Variants in MICU3 observed in about 807,000 individuals in gnomAD.
MICU3 encodes mitochondrial calcium uptake 3.
In MICU3, 62 loss-of-function variants were observed where a neutral mutation model predicts 66.5. The observed-to-expected ratio is 0.93, with a 90% CI of 0.76 to 1.15. The LOEUF (loss-of-function observed/expected upper bound fraction) is 1.15, where lower values mean the gene tolerates loss of function less well. MICU3 is among the 50% of genes most tolerant of loss of function. The probability of loss-of-function intolerance (pLI) is 0.00; values close to 1 mark genes in which losing one functional copy is unlikely to be tolerated. For missense variants in MICU3, 779 were observed against 664.4 expected, an observed-to-expected ratio of 1.17 and a Z score of -1.90; for synonymous variants, 308 against 240.7, an observed-to-expected ratio of 1.28 and a Z score of -2.59.
At chr8:17,041,259 G>A (rs1018389250) in intron 1 of MICU3, among the ~76,000 whole-genome samples, 21 of 151,384 alleles carry the variant, frequency 1.4e-4, no homozygotes, top group African/African-American at 5.1e-4. Flanking sequence ...GAAAAGTTGG[G>A]TCAAGACAGG....
At chr8:17,132,256 T>C in the MICU3 span, 6 of 152,190 alleles carry the variant, frequency 3.9e-5, no homozygotes, top group Non-Finnish European at 7.3e-5. Flanking sequence ...AAAGGAAATA[T>C]TCAAAATGAC....
chr8:17,066,534 T>G (rs1351966146), intron 2 of MICU3, among the ~76,000 whole-genome samples: 5,422 of 130,534 alleles, frequency 0.042, 178 homozygotes, highest in Non-Finnish European at 0.062. Context: ...TATATATATA[T>G]ATATATAGAT....
In MICU3 at chr8:17,121,960, G is replaced by A. The variant is rs1254981452; in HGVS notation, c.*1673G>A. The stretch of plus-strand genomic sequence containing the variant: ...CACTGAATGTTCTTAATATGATTTG[G>A]TACCTAAAGTAATTGAAAAAAATGC... On this transcript the variant is annotated 3_prime_UTR_variant, in exon 15 of 15. Transcript: ENST00000318063. 1 of 151,392 alleles carries A rather than the reference G, an allele frequency of 6.6e-6. No homozygotes were observed. The highest frequency in any genetic ancestry group is 1.5e-5 in the Non-Finnish European group (1 of 67,624). The allele number at this position is 151,392 out of a possible 1,614,324, so 9.4% of individuals were successfully genotyped here.
intron 1 of MICU3, among the ~76,000 whole-genome samples, chr8:17,031,262 T>TTTTTTTTATTA (rs111800861): frequency 1.4e-5 from 2 of 139,194 alleles, no homozygotes; most frequent in African/African-American, 5.4e-5. Context: ...TGCCACTTCA[T>TTTTTTTTATTA]TTATTATTAT....
intron 6 of MICU3, 70 bp downstream of exon 6, chr8:17,085,388 T>C: frequency 9.9e-7 from 1 of 1,013,104 alleles, no homozygotes; most frequent in South Asian, 1.5e-5. Context: ...TGTTTTTGCC[T>C]TATTGGGAGT....
At position 17,064,200 on chromosome 8, in the gene MICU3, T is replaced by G. The variant is rs1475266365; in HGVS notation, c.498T>G (p.Tyr166Ter). The G allele has an allele frequency of 6.2e-7, 1 of 1,612,614 alleles. No individual in the cohort carries two copies. Among genetic ancestry groups the G allele is most frequent in the Non-Finnish European group, 8.5e-7 (1 of 1,179,050 alleles). Residue 166 changes from tyrosine to a stop codon, truncating the protein, a stop_gained, in exon 2 of 15, where the codon TAT (tyrosine) becomes TAG (stop). Transcript: ENST00000318063. LOFTEE classifies it high-confidence loss of function. ...ECEGQLFMTP[Y>*]DFILAVTTDE... is the part of the protein sequence containing the mutation. The stretch of plus-strand genomic sequence containing the variant: ...AAGGGCAGTTATTCATGACTCCGTA[T>G]GATTTTATTTTGGCTGTTACAACAG...
At chr8:17,114,058 T>C (rs769063797) in intron 11 of MICU3, 35 bp from the exon 12 acceptor site, 19 of 1,273,404 alleles carry the variant, frequency 1.5e-5, no homozygotes, top group Non-Finnish European at 1.9e-5. Context: ...AATTTGGCAA[T>C]ACTAAATGTA....
At chr8:17,102,834 C>T (rs1229240891) in intron 9 of MICU3, 1 of 151,924 alleles carries the variant, frequency 6.6e-6, no homozygotes, top group Non-Finnish European at 1.5e-5. Flanking sequence ...GACAACTTCT[C>T]AGGTATTCCA....
the MICU3 span, among the ~76,000 whole-genome samples, chr8:17,129,609 GA>G: frequency 6.6e-6 from 1 of 151,954 alleles, no homozygotes; most frequent in East Asian, 1.9e-4. Flanking sequence ...ATGCACAAAA[GA>G]AAAAACTATT....
chr8:17,055,460 C>T (rs79528912), intron 1 of MICU3, among the ~76,000 whole-genome samples: 2 of 152,192 alleles, frequency 1.3e-5, no homozygotes, highest in East Asian at 1.9e-4. Flanking sequence ...CTGTTGAGCA[C>T]AATTTCTTCT....
the MICU3 span, chr8:17,131,727 T>TAG: frequency 6.6e-6 from 1 of 152,216 alleles, no homozygotes; most frequent in East Asian, 1.9e-4. Context: ...TACAACAGCC[T>TAG]AGAGAGTGAA....
chr8:17,131,800 G>A, the MICU3 span: 4 of 152,154 alleles, frequency 2.6e-5, no homozygotes, highest in Non-Finnish European at 5.9e-5. Flanking sequence ...ACCCTCTACT[G>A]ACAAGGTTTA....
At chr8:17,047,869 G>C (rs1482499860) in intron 1 of MICU3, among the ~76,000 whole-genome samples, 1 of 152,188 alleles carries the variant, frequency 6.6e-6, no homozygotes, top group African/African-American at 2.4e-5. Context: ...AATTCAAGAA[G>C]CAATGGAGAA....
chr8:17,038,232 A>C (rs533510577), intron 1 of MICU3, among the ~76,000 whole-genome samples: 1 of 152,244 alleles, frequency 6.6e-6, no homozygotes, highest in African/African-American at 2.4e-5. Context: ...TCTTGCCTTG[A>C]ATTGTAATAA....
At chr8:17,065,624 G>A (rs559533915) in intron 2 of MICU3, among the ~76,000 whole-genome samples, 1 of 152,282 alleles carries the variant, frequency 6.6e-6, no homozygotes, top group African/African-American at 2.4e-5. Context: ...GAGTAAAATA[G>A]CCAGAATTGC....
intron 2 of MICU3, among the ~76,000 whole-genome samples, chr8:17,066,318 G>A (rs1818667171): frequency 6.6e-6 from 1 of 151,378 alleles, no homozygotes; most frequent in South Asian, 2.1e-4. Context: ...TGTGCACTCA[G>A]GAAACTTACG....
At chr8:17,027,788 G>C in intron 1 of MICU3, 128 bp downstream of exon 1, 1 of 1,155,242 alleles carries the variant, frequency 8.7e-7, no homozygotes, top group Middle Eastern at 3.3e-4. Flanking sequence ...CCGTGAGCGA[G>C]GCTGACACCT....
At chr8:17,133,421 T>C in the MICU3 span, among the ~76,000 whole-genome samples, 1 of 152,236 alleles carries the variant, frequency 6.6e-6, no homozygotes, top group African/African-American at 2.4e-5. Flanking sequence ...ACTTTCTTTG[T>C]ATATCAAATA....
chr8:17,080,041 CCT>C (rs977787799), intron 4 of MICU3, among the ~76,000 whole-genome samples: 16 of 151,692 alleles, frequency 1.1e-4, no homozygotes, highest in Non-Finnish European at 2.1e-4. Flanking sequence ...TCTTTCTTAT[CCT>C]CTGTTTCTAA....
Sources: gnomAD v4.1 joint callset for allele counts (sites outside exome capture counted in the v4.1 genomes callset) on GRCh38, gnomAD v4.1.1 for gene constraint, MANE v1.5 for transcripts, NCBI Gene and HGNC (gene_info 2026-07-23, HGNC 2026-07-21) for gene names.